MYRIP: variants seen among roughly 807,000 people sequenced by gnomAD.
MYRIP encodes the protein myosin VIIA and Rab interacting protein, also known as rab effector MyRIP.
In MYRIP, 49 loss-of-function variants were observed where a neutral mutation model predicts 98.0. The observed-to-expected ratio is 0.50, with a 90% CI of 0.40 to 0.63. The LOEUF is 0.63. Among genes scored for constraint, MYRIP ranks in the 30% least tolerant of loss-of-function variants. The pLI is 0.00. For missense variants in MYRIP, 1,004 were observed against 1,058.2 expected (o/e 0.95, Z 0.71); for synonymous variants, 404 against 409.5 (o/e 0.99, Z 0.16).
At chr3:39,966,619 C>G (rs1945448812) in intron 2 of MYRIP, among the ~76,000 whole-genome samples, 1 of 152,160 alleles carries the variant, frequency 6.6e-6, no homozygotes, top group South Asian at 2.1e-4. Flanking sequence ...CCATTATTAT[C>G]CTCAGTTGGG....
chr3:39,899,446 G>T (rs1034033238), intron 1 of MYRIP, among the ~76,000 whole-genome samples: 2 of 151,834 alleles, frequency 1.3e-5, no homozygotes, highest in South Asian at 2.1e-4. Flanking sequence ...TTTTGAATGT[G>T]ACTATTGTTA....
chr3:40,107,403 C>T (rs1042577681), intron 3 of MYRIP, among the ~76,000 whole-genome samples: 5 of 152,114 alleles, frequency 3.3e-5, no homozygotes, highest in Non-Finnish European at 7.3e-5. Context: ...CTGGTCTTGC[C>T]ATAAAGTTGT....
intron 12 of MYRIP, chr3:40,238,708 T>G (rs1047495606): frequency 6.6e-6 from 1 of 152,112 alleles, no homozygotes; most frequent in Non-Finnish European, 1.5e-5. Context: ...TTGGCTTTAC[T>G]GTGGCATCTC....
intron 2 of MYRIP, among the ~76,000 whole-genome samples, chr3:40,027,343 T>C (rs1333918172): frequency 1.3e-5 from 2 of 152,110 alleles, no homozygotes; most frequent in African/African-American, 4.8e-5. Context: ...TGCAAGGTCC[T>C]CTAAGAGTGG....
At chr3:40,124,148 C>A (rs1344475947) in intron 3 of MYRIP, among the ~76,000 whole-genome samples, 1 of 152,222 alleles carries the variant, frequency 6.6e-6, no homozygotes, top group African/African-American at 2.4e-5. Flanking sequence ...GGAACTTAGA[C>A]TTCACCTCTC....
intron 11 of MYRIP, among the ~76,000 whole-genome samples, chr3:40,218,613 TATATATATA>T (rs1353578905): frequency 9.2e-4 from 15 of 16,248 alleles, no homozygotes; most frequent in African/African-American, 1.4e-3. Flanking sequence ...ATATATATTT[TATATATATA>T]TATATATATA....
At chr3:40,089,405 A>G (rs1242065180) in intron 3 of MYRIP, among the ~76,000 whole-genome samples, 1 of 152,228 alleles carries the variant, frequency 6.6e-6, no homozygotes, top group Non-Finnish European at 1.5e-5. Flanking sequence ...AAATTGATGC[A>G]TACAGAGGCT....
At chr3:40,237,390 C>G (rs915923783) in intron 12 of MYRIP, among the ~76,000 whole-genome samples, 1 of 152,134 alleles carries the variant, frequency 6.6e-6, no homozygotes, top group African/African-American at 2.4e-5. Context: ...TGGTCTCTAC[C>G]CACTAGCTGC....
intron 2 of MYRIP, among the ~76,000 whole-genome samples, chr3:39,976,912 G>A (rs1167499079): frequency 6.6e-6 from 1 of 152,032 alleles, no homozygotes; most frequent in African/African-American, 2.4e-5. Flanking sequence ...GAGGGGAGTG[G>A]GGAGGGATAA....
rs117223878 is a variant in MYRIP, at chr3:40,213,871, G to T, written c.1905+3778G>T. Among the ~76,000 whole-genome samples, 48 of 152,308 alleles carry T rather than the reference G, an allele frequency of 3.2e-4. No homozygotes were observed. The East Asian group carries it at 9.1e-3, about 29-fold the overall frequency. ...CTAACTAGTGACTGATGGGAAGGGT[G>T]TAAATATCCCAGCTCCTTTGCTTTG... On this transcript the variant is annotated intron_variant, in intron 11 of 16. Coordinates refer to ENST00000302541, the MANE Select transcript of MYRIP (RefSeq NM_015460.4).
At chr3:40,099,120 C>T (rs564169885) in intron 3 of MYRIP, among the ~76,000 whole-genome samples, 1 of 152,210 alleles carries the variant, frequency 6.6e-6, no homozygotes, top group Admixed American at 6.5e-5. Context: ...CTGGTGACCA[C>T]CCGATTTTGC....
intron 2 of MYRIP, among the ~76,000 whole-genome samples, chr3:40,018,660 A>C (rs1946923390): frequency 6.6e-6 from 1 of 152,052 alleles, no homozygotes; most frequent in Non-Finnish European, 1.5e-5. Flanking sequence ...CCTGGTCCAG[A>C]CTTTGCCAGC....
At chr3:39,977,531 C>T (rs1945787877) in intron 2 of MYRIP, among the ~76,000 whole-genome samples, 1 of 152,160 alleles carries the variant, frequency 6.6e-6, no homozygotes, top group African/African-American at 2.4e-5. Context: ...CTCCGACTGC[C>T]TTTGGCATCC....
In MYRIP at chr3:40,250,462, G is replaced by A. The variant is rs1403025466; in HGVS notation, c.2391G>A (p.Arg797=). The change falls in exon 15 of 17, where the codon AGG becomes AGA. Residue 797 remains arginine (R), a synonymous_variant. Transcript: ENST00000302541. ...AGGTACAAACCATAGATACATCAAG[G>A]CAGCAAAGGAGGAAACTGCCTGCTC... ...RTQVQTIDTS[R]QQRRKLPAPP... 6.2e-7 allele frequency: 1 copy of A among 1,614,206 alleles called. No homozygotes were observed. The highest frequency in any genetic ancestry group is 8.5e-7 in the Non-Finnish European group (1 of 1,180,028).
intron 2 of MYRIP, among the ~76,000 whole-genome samples, chr3:39,963,973 A>G (rs981499951): frequency 7.2e-5 from 11 of 152,162 alleles, no homozygotes; most frequent in Non-Finnish European, 1.3e-4. Context: ...GTATTAAAAT[A>G]GTTCACTGTC....
chr3:40,227,184 A>G (rs9823575), intron 11 of MYRIP, among the ~76,000 whole-genome samples: 5,940 of 152,298 alleles, frequency 0.039, 267 homozygotes, highest in African/African-American at 0.11. Flanking sequence ...GCCTTGGCAT[A>G]GAGTGGATGC....
chr3:40,168,263 G>T (rs1054367472), intron 7 of MYRIP, among the ~76,000 whole-genome samples: 1 of 152,220 alleles, frequency 6.6e-6, no homozygotes. Flanking sequence ...AGCTTACAGT[G>T]GATGGGGTTA....
chr3:40,031,017 G>A (rs1197891031), intron 2 of MYRIP, among the ~76,000 whole-genome samples: 1 of 152,090 alleles, frequency 6.6e-6, no homozygotes, highest in Non-Finnish European at 1.5e-5. Context: ...AGTAAGAAAG[G>A]AAAATTCCTA....
At chr3:40,225,212 G>T (rs1470563860) in intron 11 of MYRIP, among the ~76,000 whole-genome samples, 1 of 152,156 alleles carries the variant, frequency 6.6e-6, no homozygotes, top group Non-Finnish European at 1.5e-5. Flanking sequence ...CTTGGAACAG[G>T]TTTTCTTATA....
Sources: allele counts gnomAD v4.1 joint callset (sites outside exome capture counted in the v4.1 genomes callset), GRCh38; gene constraint gnomAD v4.1.1; transcripts MANE v1.5; gene names NCBI Gene and HGNC (gene_info 2026-07-23, HGNC 2026-07-21).